Variants in AVL9 observed in about 807,000 individuals in gnomAD.
The protein encoded by AVL9 is AVL9 cell migration associated.
In AVL9, 49 loss-of-function variants were observed where a neutral mutation model predicts 79.2. That is an observed-to-expected ratio of 0.62 (90% CI 0.49 to 0.79). The LOEUF (loss-of-function observed/expected upper bound fraction) is 0.79, where lower values mean the gene tolerates loss of function less well. Among genes scored for constraint, AVL9 ranks in the 30% least tolerant of loss-of-function variants. AVL9 has a pLI of 0.00. For missense variants in AVL9, 682 were observed against 776.8 expected (o/e 0.88, Z 1.45); for synonymous variants, 299 against 280.6 (o/e 1.07, Z -0.65).
chr7:32,510,552 G>A (rs1429005351), intron 1 of AVL9, among the ~76,000 whole-genome samples: 23 of 129,562 alleles, frequency 1.8e-4, no homozygotes, highest in South Asian at 2.6e-4. Context: ...TATGAGGGAA[G>A]CCATCTCTCC....
intron 15 of AVL9, chr7:32,581,095 C>T: frequency 1.9e-6 from 1 of 521,166 alleles, no homozygotes; most frequent in Admixed American, 3.5e-5. Flanking sequence ...TAGAGAGTGA[C>T]AAAATTTTCT....
Position 32,559,002 on chromosome 7 carries a change from TC to T in AVL9, c.754del (p.Gln252ArgfsTer40). The T allele has an allele frequency of 1.2e-6, 2 of 1,613,890 alleles. No homozygotes were observed. Among genetic ancestry groups the T allele is most frequent in the Non-Finnish European group, 1.7e-6 (2 of 1,179,870 alleles). ...RKSMSEDGGL[Q>X]ESNPCADDFV... is the part of the protein sequence containing the mutation. ...AAAGTATGTCTGAAGATGGTGGGCT[TC>T]AGGAAAGTAACCCATGTGCAGATGA... On this transcript the variant is annotated frameshift_variant, in exon 10 of 16. Transcript: ENST00000318709. LOFTEE classifies it high-confidence loss of function.
At chr7:32,548,779 T>C (rs1204058473) in intron 3 of AVL9, 68 bp from the exon 4 acceptor site, 3 of 1,138,868 alleles carry the variant, frequency 2.6e-6, no homozygotes, top group Non-Finnish European at 1.2e-6. Context: ...TCTATTTTTA[T>C]GTTGAAAAAA....
chr7:32,583,966 T>G lies in AVL9; in HGVS notation c.*59T>G, dbSNP rs1260360662. 8.0e-7 allele frequency: 1 copy of G among 1,249,806 alleles called. No homozygotes were observed. Among genetic ancestry groups the G allele is most frequent in the Non-Finnish European group, 1.2e-6 (1 of 852,396 alleles). The allele number at this position is 1,249,806 out of a possible 1,614,324, so 77.4% of individuals were successfully genotyped here. ...GTTTAAGTGTCCCCTGTCTGTCTGC[T>G]GCTCCCAGGCTGTTACTAGCCACAG... On this transcript the variant is annotated 3_prime_UTR_variant, in exon 16 of 16. Coordinates refer to ENST00000318709, the MANE Select transcript of AVL9 (RefSeq NM_015060.3).
chr7:32,520,844 C>T (rs1583509134), intron 1 of AVL9, among the ~76,000 whole-genome samples: 1 of 152,120 alleles, frequency 6.6e-6, no homozygotes, highest in Admixed American at 6.5e-5. Context: ...ACCCAAATCT[C>T]AACTTGAATT....
chr7:32,497,655 T>A (rs1665560481), intron 1 of AVL9, among the ~76,000 whole-genome samples: 3 of 56,408 alleles, frequency 5.3e-5, no homozygotes, highest in African/African-American at 8.9e-5. Flanking sequence ...CATTAGTTCT[T>A]TTTTTTTTTT....
chr7:32,543,834 A>T (rs549704144), intron 2 of AVL9, among the ~76,000 whole-genome samples: 1 of 151,588 alleles, frequency 6.6e-6, no homozygotes, highest in Non-Finnish European at 1.5e-5. Flanking sequence ...GAAGGACTGT[A>T]TTTTACTATG....
intron 13 of AVL9, among the ~76,000 whole-genome samples, chr7:32,578,692 C>T (rs376115870): frequency 6.6e-6 from 1 of 151,932 alleles, no homozygotes; most frequent in African/African-American, 2.4e-5. Flanking sequence ...GCCTGTACTC[C>T]CAGCTACTCA....
At chr7:32,503,407 A>ACACACACACACACACACACACACACAC (rs1477431265) in intron 1 of AVL9, among the ~76,000 whole-genome samples, 12 of 60,336 alleles carry the variant, frequency 2.0e-4, no homozygotes, top group Admixed American at 7.4e-4. Flanking sequence ...CACACACACA[A>ACACACACACACACACACACACACACAC]ATTAGCCGGG....
chr7:32,506,477 A>G (rs1195194766), intron 1 of AVL9, among the ~76,000 whole-genome samples: 1 of 152,184 alleles, frequency 6.6e-6, no homozygotes, highest in Non-Finnish European at 1.5e-5. Context: ...TCACAAGTCA[A>G]GTGGAATGGA....
chr7:32,530,581 G>A (rs1788604236), intron 1 of AVL9, among the ~76,000 whole-genome samples: 2 of 152,056 alleles, frequency 1.3e-5, no homozygotes. Context: ...TTCCTTTTTA[G>A]AAGAAATATT....
intron 1 of AVL9, among the ~76,000 whole-genome samples, chr7:32,521,626 G>A (rs141400249): frequency 6.6e-6 from 1 of 152,182 alleles, no homozygotes; most frequent in African/African-American, 2.4e-5. Context: ...TGGAAAATTT[G>A]CAGCATTACT....
At position 32,543,127 on chromosome 7, in the gene AVL9, C is replaced by G; in HGVS notation, c.94-14C>G. On this transcript the variant is annotated splice_polypyrimidine_tract_variant and intron_variant, in intron 1 of 15. Coordinates refer to ENST00000318709, the MANE Select transcript of AVL9 (RefSeq NM_015060.3). ...GGTCAACCACCTTTTGGCTAACATT[C>G]CTTACTATTTTAGGTTGAATTCTCT... 1.2e-6 allele frequency: 2 copies of G among 1,612,788 alleles called. No homozygotes were observed. Among genetic ancestry groups the G allele is most frequent in the Non-Finnish European group, 8.5e-7 (1 of 1,179,666 alleles).
intron 1 of AVL9, among the ~76,000 whole-genome samples, chr7:32,516,733 C>T (rs185664251): frequency 2.2e-3 from 325 of 145,270 alleles, no homozygotes; most frequent in Non-Finnish European, 3.4e-3. Context: ...ATAACCAGCA[C>T]ACTTCAACCC....
intron 3 of AVL9, among the ~76,000 whole-genome samples, chr7:32,548,288 C>T (rs2128136562): frequency 6.6e-6 from 1 of 152,094 alleles, no homozygotes; most frequent in African/African-American, 2.4e-5. Context: ...GCTGGGATTA[C>T]AGGCTTGTGC....
chr7:32,527,723 C>T (rs1473644835), intron 1 of AVL9, among the ~76,000 whole-genome samples: 1 of 152,120 alleles, frequency 6.6e-6, no homozygotes, highest in Non-Finnish European at 1.5e-5. Flanking sequence ...CACTATGGGA[C>T]AGAATTAAAA....
At chr7:32,578,443 G>A (rs1265633697) in intron 13 of AVL9, among the ~76,000 whole-genome samples, 2 of 152,160 alleles carry the variant, frequency 1.3e-5, no homozygotes, top group Non-Finnish European at 2.9e-5. Flanking sequence ...ATACATCAAA[G>A]AAGTATATTT....
chr7:32,567,326 T>C (rs1461860314), intron 10 of AVL9, among the ~76,000 whole-genome samples: 2 of 152,168 alleles, frequency 1.3e-5, no homozygotes, highest in Non-Finnish European at 2.9e-5. Context: ...GGTCTCAAAC[T>C]TCTGAGCTCA....
At chr7:32,576,248 G>T (rs1241146871) in intron 13 of AVL9, among the ~76,000 whole-genome samples, 176 bp downstream of exon 13, 1 of 152,134 alleles carries the variant, frequency 6.6e-6, no homozygotes, top group African/African-American at 2.4e-5. Context: ...TCCATATTCA[G>T]ATTGTTATAC....
Sources: allele counts gnomAD v4.1 joint callset (sites outside exome capture counted in the v4.1 genomes callset), GRCh38; gene constraint gnomAD v4.1.1; transcripts MANE v1.5; gene names NCBI Gene and HGNC (gene_info 2026-07-23, HGNC 2026-07-21).